The following CD3G variants were observed in gnomAD, a reference collection of about 807,000 sequenced individuals.
CD3G encodes T-cell surface glycoprotein CD3 gamma chain.
CD3G carries 24 observed loss-of-function variants against 28.3 expected under a neutral mutation model. That is an observed-to-expected ratio of 0.85 (90% confidence interval 0.61 to 1.19). The LOEUF (loss-of-function observed/expected upper bound fraction) is 1.19, where lower values mean the gene tolerates loss of function less well. Among genes scored for constraint, CD3G ranks in the 50% most tolerant of loss-of-function variants. The pLI is 0.00. For synonymous variants in CD3G, 71 were observed against 75.9 expected, an observed-to-expected ratio of 0.93 and a Z score of 0.34; for missense variants, 211 against 210.0, an observed-to-expected ratio of 1.00 and a Z score of -0.03.
rs1352740466 is a variant in CD3G, at chr11:118,355,083, T to C, written c.*1983T>C. 1 of 152,084 alleles carries C rather than the reference T, an allele frequency of 6.6e-6. No individual in the cohort carries two copies. The highest frequency in any genetic ancestry group is 1.5e-5 in the Non-Finnish European group (1 of 67,988). The allele number at this position is 152,084 out of a possible 1,614,324, so 9.4% of individuals were successfully genotyped here. On this transcript the variant is annotated 3_prime_UTR_variant, in exon 7 of 7. Coordinates refer to ENST00000532917, the MANE Select transcript of CD3G (RefSeq NM_000073.3). ...TTATACTTTTTACAGCTTTATGGTTTTAGCTCTAACAATAAATGTGATTTT... is the reference window on the plus strand; with the variant it reads ...TTATACTTTTTACAGCTTTATGGTTCTAGCTCTAACAATAAATGTGATTTT...
intron 1 of CD3G, among the ~76,000 whole-genome samples, chr11:118,347,362 C>G (rs906197375): frequency 6.6e-6 from 1 of 152,136 alleles, no homozygotes; most frequent in African/African-American, 2.4e-5. Flanking sequence ...TTTTCATATG[C>G]AGTCATATAA....
chr11:118,345,003 T>G (rs1948342635), intron 1 of CD3G, among the ~76,000 whole-genome samples: 1 of 152,156 alleles, frequency 6.6e-6, no homozygotes, highest in Non-Finnish European at 1.5e-5. Flanking sequence ...CCAGACTGAG[T>G]GTACAGTATA....
At chr11:118,347,785 A>AT (rs1948370592) in intron 1 of CD3G, among the ~76,000 whole-genome samples, 1 of 151,966 alleles carries the variant, frequency 6.6e-6, no homozygotes, top group East Asian at 1.9e-4. Flanking sequence ...TGCCCGGCTA[A>AT]TTTTTTTGTA....
intron 1 of CD3G, among the ~76,000 whole-genome samples, chr11:118,345,918 G>A (rs1948351619): frequency 6.6e-6 from 1 of 152,228 alleles, no homozygotes; most frequent in Non-Finnish European, 1.5e-5. Flanking sequence ...TGAGAGTTTA[G>A]AATAGAATTA....
intron 2 of CD3G, chr11:118,349,414 A>G (rs1457752977): frequency 1.2e-6 from 1 of 803,044 alleles, no homozygotes; most frequent in Admixed American, 3.2e-5. Context: ...ATCATCTGGT[A>G]TGCTGTTAGC....
rs145261222 is a variant in CD3G, at chr11:118,348,308, C to T, written c.56-719C>T. Among the ~76,000 whole-genome samples, 276 of 152,218 alleles carry T rather than the reference C, an allele frequency of 1.8e-3. 4 individuals are homozygous for T. The highest frequency in any genetic ancestry group is 6.2e-3 in the African/African-American group (258 of 41,530). Reference sequence around the variant, plus strand: ...CCTGCAATCTTAAGGATTCCCATGACCCTCCTCATTGATAATTTGCTAGAA... The same window carrying T: ...CCTGCAATCTTAAGGATTCCCATGATCCTCCTCATTGATAATTTGCTAGAA... On this transcript the variant is annotated intron_variant, in intron 1 of 6. Coordinates refer to ENST00000532917, the MANE Select transcript of CD3G (RefSeq NM_000073.3).
intron 5 of CD3G, 102 bp downstream of exon 5, chr11:118,351,773 C>A: frequency 1.0e-6 from 1 of 1,000,948 alleles, no homozygotes; most frequent in Non-Finnish European, 1.6e-6. Context: ...AGGTAAGAAA[C>A]TGCTAACAGC....
At chr11:118,350,249 G>T in intron 3 of CD3G, 1 of 570,390 alleles carries the variant, frequency 1.8e-6, no homozygotes, top group Admixed American at 3.0e-5. Flanking sequence ...GGGAGACAGA[G>T]GTGATCATAA....
intron 4 of CD3G, among the ~76,000 whole-genome samples, chr11:118,351,204 A>AAACTATTT (rs1347354828): frequency 2.0e-4 from 31 of 151,746 alleles, no homozygotes; most frequent in African/African-American, 7.0e-4. Context: ...AAAAAAAAAA[A>AAACTATTT]AACTATTTTA....
intron 4 of CD3G, chr11:118,351,034 A>G: frequency 2.9e-6 from 1 of 346,084 alleles, no homozygotes; most frequent in South Asian, 3.9e-5. Flanking sequence ...TAAAAATACA[A>G]AAAATTAGCC....
At chr11:118,350,498 A>G (rs1441256068) in intron 3 of CD3G, 54 bp from the exon 4 acceptor site, 3 of 1,334,556 alleles carry the variant, frequency 2.2e-6, no homozygotes, top group South Asian at 2.3e-5. Flanking sequence ...GAGAAAACGA[A>G]CCAGGAAAAA....
chr11:118,353,491 C>T lies in CD3G; in HGVS notation c.*391C>T, dbSNP rs1948426575. ...CCGCCATCCCCTGCTACCCAGTGAC[C>T]CTGTTGCCCTCTTCAGAGACAAATT... On this transcript the variant is annotated 3_prime_UTR_variant, in exon 7 of 7. Transcript: ENST00000532917. The T allele has an allele frequency of 6.6e-6, 1 of 151,162 alleles. No homozygotes were observed. Among genetic ancestry groups the T allele is most frequent in the African/African-American group, 2.4e-5 (1 of 41,140 alleles). The allele number at this position is 151,162 out of a possible 1,614,324, so 9.4% of individuals were successfully genotyped here.
rs2134074790 is a variant in CD3G, at chr11:118,355,020, C to G, written c.*1920C>G. On this transcript the variant is annotated 3_prime_UTR_variant, in exon 7 of 7. Transcript: ENST00000532917. The stretch of plus-strand genomic sequence containing the variant: ...GGTATCATGTCTAATAAATCTTTAC[C>G]AAACCCACAGTTACAAAGATTTTCT... The G allele has an allele frequency of 6.6e-6, 1 of 151,944 alleles. No individual in the cohort carries two copies. The highest frequency in any genetic ancestry group is 6.6e-5 in the Admixed American group (1 of 15,266). 9.4% of individuals were successfully genotyped at this position (151,944 alleles called of 1,614,324 possible).
chr11:118,348,701 C>G (rs902517649), intron 1 of CD3G, among the ~76,000 whole-genome samples: 2 of 152,176 alleles, frequency 1.3e-5, no homozygotes, highest in Non-Finnish European at 2.9e-5. Flanking sequence ...TTGACCAGCA[C>G]CATCCTGAGT....
chr11:118,344,763 G>A (rs1320545805), intron 1 of CD3G, among the ~76,000 whole-genome samples: 1 of 152,220 alleles, frequency 6.6e-6, no homozygotes, highest in Non-Finnish European at 1.5e-5. Flanking sequence ...CAGCCCAAAA[G>A]GGCATAGGCC....
intron 1 of CD3G, among the ~76,000 whole-genome samples, chr11:118,345,504 A>G (rs1948347392): frequency 1.3e-5 from 2 of 152,198 alleles, no homozygotes; most frequent in African/African-American, 4.8e-5. Context: ...GCAAGTGTAG[A>G]CTATTCTTTA....
chr11:118,345,131 A>C (rs187079808), intron 1 of CD3G, among the ~76,000 whole-genome samples: 4 of 152,332 alleles, frequency 2.6e-5, no homozygotes, highest in Admixed American at 2.0e-4. Context: ...TGCTGAAGTC[A>C]CACAAGTACT....
chr11:118,354,355 T>C lies in CD3G; in HGVS notation c.*1255T>C, dbSNP rs1223469233. On this transcript the variant is annotated 3_prime_UTR_variant, in exon 7 of 7. Coordinates refer to ENST00000532917, the MANE Select transcript of CD3G (RefSeq NM_000073.3). The stretch of plus-strand genomic sequence containing the variant: ...TCTTGCTCTGTGGCCCAGGCTGGAG[T>C]GCAGTGGCGCGATCTCAGCTCACTG... The C allele has an allele frequency of 6.7e-6, 1 of 148,194 alleles. No individual in the cohort carries two copies. Among genetic ancestry groups the C allele is most frequent in the African/African-American group, 2.5e-5 (1 of 39,928 alleles). The allele number at this position is 148,194 out of a possible 1,614,324, so 9.2% of individuals were successfully genotyped here.
At chr11:118,348,136 A>T (rs1052394742) in intron 1 of CD3G, among the ~76,000 whole-genome samples, 4 of 152,134 alleles carry the variant, frequency 2.6e-5, no homozygotes, top group African/African-American at 9.7e-5. Flanking sequence ...TTACTTACAT[A>T]TACTACAATA....
Sources: allele counts gnomAD v4.1 joint callset (sites outside exome capture counted in the v4.1 genomes callset), GRCh38; gene constraint gnomAD v4.1.1; transcripts MANE v1.5; gene names NCBI Gene and HGNC (gene_info 2026-07-23, HGNC 2026-07-21).